Variants in ANOS1 observed in about 807,000 individuals in gnomAD.
The protein encoded by ANOS1 is anosmin-1.
Under a neutral mutation model 59.0 loss-of-function variants are expected in ANOS1, and 6 were observed. The observed-to-expected ratio is 0.10, with a 90% CI of 0.06 to 0.20. The LOEUF is 0.20. Ranked by LOEUF, ANOS1 falls within the 10% of genes least tolerant of loss-of-function variation. The pLI, the probability that ANOS1 is intolerant of heterozygous loss-of-function variation, is 1.00. For missense variants in ANOS1, 433 were observed against 542.3 expected (o/e 0.80, Z 2.00); for synonymous variants, 217 against 223.4 (o/e 0.97, Z 0.25).
chrX:8,729,077 C>T (rs761585382), intron 1 of ANOS1, among the ~76,000 whole-genome samples: 65 of 112,282 alleles, frequency 5.8e-4, no homozygotes, highest in Non-Finnish European at 1.1e-4. Context: ...CCCAGGGAAT[C>T]TGTGTCACTG....
intron 3 of ANOS1, among the ~76,000 whole-genome samples, chrX:8,600,913 G>A (rs763125425): frequency 3.0e-4 from 34 of 112,312 alleles, no homozygotes; most frequent in African/African-American, 9.7e-4. Context: ...GTATTAGGCC[G>A]GGCGTGGTGG....
At chrX:8,690,955 G>A (rs1187626919) in intron 2 of ANOS1, among the ~76,000 whole-genome samples, 1 of 111,808 alleles carries the variant, frequency 8.9e-6, no homozygotes, top group East Asian at 2.8e-4. Context: ...GGCACTCAAA[G>A]GCAGAAAGAT....
chrX:8,590,099 C>T (rs1193195932), intron 4 of ANOS1, among the ~76,000 whole-genome samples: 2 of 111,155 alleles, frequency 1.8e-5, no homozygotes, highest in Admixed American at 9.6e-5. Flanking sequence ...ATTTTTCTAA[C>T]GTAGAAGCGA....
chrX:8,671,505 G>A (rs932900519), intron 2 of ANOS1, among the ~76,000 whole-genome samples: 2 of 110,100 alleles, frequency 1.8e-5, no homozygotes, highest in African/African-American at 3.3e-5. Context: ...ATATCTGTAT[G>A]AGTAGTACCT....
chrX:8,675,112 T>G (rs1041760901), intron 2 of ANOS1, among the ~76,000 whole-genome samples: 7 of 111,186 alleles, frequency 6.3e-5, no homozygotes, highest in Non-Finnish European at 1.1e-4. Flanking sequence ...AGGGTCTAGT[T>G]CGTCTGGGCT....
intron 8 of ANOS1, among the ~76,000 whole-genome samples, chrX:8,555,465 A>G (rs2146798058): frequency 8.9e-6 from 1 of 111,840 alleles, no homozygotes; most frequent in Admixed American, 9.5e-5. Context: ...AACATTAACA[A>G]AACAGATAGA....
At chrX:8,685,774 AT>A (rs1464021582) in intron 2 of ANOS1, among the ~76,000 whole-genome samples, 1 of 111,696 alleles carries the variant, frequency 9.0e-6, no homozygotes, top group Non-Finnish European at 1.9e-5. Flanking sequence ...ACTTTAAGTC[AT>A]TTTCCCCCAC....
At chrX:8,594,674 A>G (rs1398015835) in intron 4 of ANOS1, among the ~76,000 whole-genome samples, 4 of 56,121 alleles carry the variant, frequency 7.1e-5, no homozygotes, top group African/African-American at 3.2e-4. Flanking sequence ...ATATATATAT[A>G]TATATATATA....
chrX:8,650,889 G>A (rs1055044312), intron 2 of ANOS1, among the ~76,000 whole-genome samples: 11 of 112,381 alleles, frequency 9.8e-5, no homozygotes, highest in Admixed American at 4.7e-4. Context: ...AAAAGGAGTC[G>A]GGGCTCAACA....
intron 8 of ANOS1, chrX:8,566,109 C>A: frequency 1.3e-6 from 1 of 754,286 alleles, no homozygotes; most frequent in Non-Finnish European, 1.6e-6. Flanking sequence ...TCCTTGTGGG[C>A]CTGCAGATCG....
intron 2 of ANOS1, among the ~76,000 whole-genome samples, chrX:8,674,367 C>T (rs1226375834): frequency 8.9e-6 from 1 of 111,852 alleles, no homozygotes; most frequent in East Asian, 2.8e-4. Context: ...TTTATGTTAG[C>T]GATTCTGTGA....
At chrX:8,582,234 TTTGTTTGC>T (rs923665396) in intron 6 of ANOS1, among the ~76,000 whole-genome samples, 21 of 112,340 alleles carry the variant, frequency 1.9e-4, no homozygotes, top group Admixed American at 1.7e-3. Context: ...GCAACGTGGA[TTTGTTTGC>T]TTGTTTGCTT....
chrX:8,581,613 A>G (rs1220129091), intron 6 of ANOS1, among the ~76,000 whole-genome samples: 1 of 112,025 alleles, frequency 8.9e-6, no homozygotes, highest in Non-Finnish European at 1.9e-5. Context: ...TTAACAAATC[A>G]GTAAAACGGT....
At chrX:8,680,289 GCT>G (rs879028941) in intron 2 of ANOS1, among the ~76,000 whole-genome samples, 1 of 108,674 alleles carries the variant, frequency 9.2e-6, no homozygotes, top group Admixed American at 9.9e-5. Context: ...TGTGATCATA[GCT>G]CTCAGTGGTA....
In ANOS1 at chrX:8,531,821, T is replaced by C. The variant is rs1601943261; in HGVS notation, c.*1174A>G. ...TTCAAGAAAAAAAACAGTATTAAATTAAACTTCTCTGCGTTTTAGGTTGTT... is the reference window on the plus strand; with the variant it reads ...TTCAAGAAAAAAAACAGTATTAAATCAAACTTCTCTGCGTTTTAGGTTGTT... On this transcript the variant is annotated 3_prime_UTR_variant, in exon 14 of 14. Transcript: ENST00000262648. The C allele has an allele frequency of 9.0e-6, 1 of 111,696 alleles. No homozygotes were observed. Among genetic ancestry groups the C allele is most frequent in the South Asian group, 3.8e-4 (1 of 2,654 alleles). The allele number at this position is 111,696 out of a possible 1,213,427, so 9.2% of individuals were successfully genotyped here. A position where few individuals can be genotyped will look rare whatever the true frequency, so the allele number is the denominator to read the frequency against.
At chrX:8,694,960 T>C (rs975467907) in intron 2 of ANOS1, among the ~76,000 whole-genome samples, 1 of 111,674 alleles carries the variant, frequency 9.0e-6, no homozygotes, top group African/African-American at 3.3e-5. Context: ...ACTACTAAAA[T>C]TGAACTACTA....
At chrX:8,652,648 G>A (rs951312139) in intron 2 of ANOS1, among the ~76,000 whole-genome samples, 4 of 111,013 alleles carry the variant, frequency 3.6e-5, no homozygotes, top group Non-Finnish European at 5.7e-5. Flanking sequence ...ACAATAGAAG[G>A]TACTCAAGCA....
rs1004958658 is a variant in ANOS1, at chrX:8,596,887, A to C, written c.541+147T>G. The C allele has an allele frequency of 9.9e-6, 9 of 912,498 alleles. No homozygotes were observed. In the African/African-American group the frequency reaches 1.6e-4, roughly 16 times the overall value. 75.2% of individuals were successfully genotyped at this position (912,498 alleles called of 1,213,427 possible). A position where few individuals can be genotyped will look rare whatever the true frequency, so the allele number is the denominator to read the frequency against. Reference sequence around the variant, plus strand: ...ATCTTTATGGGTCTGTGATTATGTTAAGATGTCTGTATGTGGTATAAAATA... The same window carrying C: ...ATCTTTATGGGTCTGTGATTATGTTCAGATGTCTGTATGTGGTATAAAATA... On this transcript the variant is annotated intron_variant, in intron 4 of 13. Transcript: ENST00000262648.
chrX:8,695,722 T>C (rs780992852), intron 2 of ANOS1, among the ~76,000 whole-genome samples: 2 of 102,270 alleles, frequency 2.0e-5, no homozygotes, highest in Non-Finnish European at 3.9e-5. Flanking sequence ...AAAAAAAACC[T>C]AGTGCATCAA....
Sources: gnomAD v4.1 joint callset for allele counts (sites outside exome capture counted in the v4.1 genomes callset) on GRCh38, gnomAD v4.1.1 for gene constraint, MANE v1.5 for transcripts, NCBI Gene and HGNC (gene_info 2026-07-23, HGNC 2026-07-21) for gene names.